Variants in PTPRB observed in about 807,000 individuals in gnomAD.
PTPRB encodes the protein receptor-type tyrosine-protein phosphatase beta.
In PTPRB, 97 loss-of-function variants were observed where a neutral mutation model predicts 238.1. That is an observed-to-expected ratio of 0.41 (90% confidence interval 0.35 to 0.48). PTPRB has a LOEUF of 0.48. Among genes scored for constraint, PTPRB ranks in the 20% least tolerant of loss-of-function variants. The probability of loss-of-function intolerance (pLI) is 0.30; values close to 1 mark genes in which losing one functional copy is unlikely to be tolerated. For missense variants in PTPRB, 2,292 were observed against 2,681.9 expected (o/e 0.85, Z 3.21); for synonymous variants, 970 against 995.4 (o/e 0.97, Z 0.48).
chr12:70,528,249 G>A (rs1052733072), intron 32 of PTPRB, among the ~76,000 whole-genome samples: 14 of 152,138 alleles, frequency 9.2e-5, no homozygotes, highest in Non-Finnish European at 1.9e-4. Flanking sequence ...TGGCTAGTAC[G>A]ATGACATGAA....
chr12:70,523,978 C>T (rs949549936), intron 33 of PTPRB, among the ~76,000 whole-genome samples: 2 of 151,426 alleles, frequency 1.3e-5, no homozygotes, highest in Non-Finnish European at 2.9e-5. Context: ...ATGCCTGGCT[C>T]TTTTGTACTT....
At chr12:70,543,304 C>T (rs1296477324) in intron 22 of PTPRB, among the ~76,000 whole-genome samples, 2 of 152,090 alleles carry the variant, frequency 1.3e-5, no homozygotes, top group Admixed American at 6.5e-5. Context: ...TTGTTTGTTC[C>T]ATGTTGCTTT....
Position 70,520,247 on chromosome 12 carries a change from T to C in PTPRB, c.*1242A>G, listed in dbSNP as rs1323396079. On this transcript the variant is annotated 3_prime_UTR_variant, in exon 34 of 34. Transcript: ENST00000334414. ...GATGAAGGAAATACTTTCTGACTCATTGGAATTTGTTATAGTCAAAGTAAG... is the reference window on the plus strand; with the variant it reads ...GATGAAGGAAATACTTTCTGACTCACTGGAATTTGTTATAGTCAAAGTAAG... 6.4e-6 allele frequency: 3 copies of C among 467,782 alleles called. No homozygotes were observed. Among genetic ancestry groups the C allele is most frequent in the East Asian group, 6.2e-5 (1 of 16,168 alleles). 29.0% of individuals were successfully genotyped at this position (467,782 alleles called of 1,614,324 possible).
intron 4 of PTPRB, among the ~76,000 whole-genome samples, chr12:70,608,527 C>T (rs915527147): frequency 1.3e-5 from 2 of 152,174 alleles, no homozygotes; most frequent in Non-Finnish European, 2.9e-5. Flanking sequence ...TGATACTATG[C>T]TGTTTGGGTT....
At chr12:70,553,599 C>T (rs1877226391) in intron 20 of PTPRB, among the ~76,000 whole-genome samples, 1 of 152,212 alleles carries the variant, frequency 6.6e-6, no homozygotes, top group Admixed American at 6.5e-5. Context: ...AACTCTTCCC[C>T]TGTCCACCCA....
chr12:70,570,322 T>A (rs888908957), intron 13 of PTPRB, among the ~76,000 whole-genome samples: 6 of 152,122 alleles, frequency 3.9e-5, no homozygotes, highest in Non-Finnish European at 8.8e-5. Context: ...CCCATAGAGT[T>A]GTGAAGATTG....
At chr12:70,531,494 G>A (rs1873238612) in intron 32 of PTPRB, among the ~76,000 whole-genome samples, 2 of 152,168 alleles carry the variant, frequency 1.3e-5, no homozygotes, top group Non-Finnish European at 2.9e-5. Context: ...GGTTTCTCTA[G>A]AATAGTGGCC....
chr12:70,592,909 CT>C (rs1882631073), intron 6 of PTPRB, among the ~76,000 whole-genome samples: 1 of 152,108 alleles, frequency 6.6e-6, no homozygotes, highest in African/African-American at 2.4e-5. Flanking sequence ...GCAAATGAGG[CT>C]AGGTCAAAGA....
At position 70,562,916 on chromosome 12, in the gene PTPRB, T is replaced by C. The variant is rs1775783779; in HGVS notation, c.4096A>G (p.Arg1366Gly). ...GTTACAATCACCATCTTGTACATTC[T>C]GCCTTGTAGCAAGTTCTGGAAAGAG... is the stretch of plus-strand genomic sequence containing the variant. Reference protein sequence around the residue: ...SFSFQNLLQGRMYKMVIVTHS... With the variant: ...SFSFQNLLQGGMYKMVIVTHS... The change falls in exon 16 of 34, where the codon AGA becomes GGA. Residue 1366 changes from arginine to glycine, a missense_variant. Physicochemically the swap from Arg to Gly is moderately radical, Grantham distance 125. Coordinates refer to ENST00000334414, the MANE Select transcript of PTPRB (RefSeq NM_001109754.4). The C allele has an allele frequency of 6.2e-7, 1 of 1,614,036 alleles. No homozygotes were observed.
chr12:70,605,494 T>C lies in PTPRB; in HGVS notation c.979+3575A>G, dbSNP rs150971297. On this transcript the variant is annotated intron_variant, in intron 4 of 33. Transcript: ENST00000334414. ...TGCCATTTAAGTACTGAAAACCTAC[T>C]TCTTATTGCCAGACAAATAAATGCT... 1.3e-4 allele frequency among the ~76,000 whole-genome samples: 20 copies of C among 152,316 alleles called. No homozygotes were observed. The East Asian group carries it at 3.9e-3, about 29-fold the overall frequency.
chr12:70,605,249 A>G (rs2136523921), intron 4 of PTPRB, among the ~76,000 whole-genome samples: 1 of 152,306 alleles, frequency 6.6e-6, no homozygotes, highest in South Asian at 2.1e-4. Flanking sequence ...TCTACCCATA[A>G]TCCAATGAGA....
chr12:70,607,898 G>A (rs148130598), intron 4 of PTPRB, among the ~76,000 whole-genome samples: 226 of 152,106 alleles, frequency 1.5e-3, no homozygotes, highest in Non-Finnish European at 2.4e-3. Context: ...TTCAACTTAA[G>A]ATGCTGCAAA....
chr12:70,535,959 A>T, intron 29 of PTPRB, 66 bp downstream of exon 29: 1 of 1,591,228 alleles, frequency 6.3e-7, no homozygotes. Flanking sequence ...CACTTTGATG[A>T]TGGGGCAGAA....
intron 32 of PTPRB, among the ~76,000 whole-genome samples, chr12:70,524,916 T>G (rs1872169705): frequency 6.7e-6 from 1 of 149,012 alleles, no homozygotes; most frequent in Admixed American, 6.6e-5. Context: ...TATATATGTA[T>G]GTATATATGT....
In PTPRB at chr12:70,534,567, A is replaced by C. The variant is rs1873796285; in HGVS notation, c.6289T>G (p.Ser2097Ala). 6.2e-7 allele frequency: 1 copy of C among 1,613,236 alleles called. No homozygotes were observed. The highest frequency in any genetic ancestry group is 2.2e-5 in the East Asian group (1 of 44,864). The change falls in exon 31 of 34, where the codon TCT (serine) becomes GCT (alanine). Residue 2097 changes from serine to alanine, a missense_variant. By Grantham distance (99) the Ser-to-Ala change is moderately conservative. This residue lies in a region of PTPRB where 397 missense variants were observed against 502.0 expected (regional missense o/e 0.79). Coordinates refer to ENST00000334414, the MANE Select transcript of PTPRB (RefSeq NM_001109754.4). Reference protein sequence around the residue: ...PDHGVPETTQSLIQFVRTVRD... With the variant: ...PDHGVPETTQALIQFVRTVRD... ...ACAGTTCTCACAAACTGGATCAGAGACTGGGTGGTTTCTGGGACTCCATGG... is the reference window on the plus strand; with the variant it reads ...ACAGTTCTCACAAACTGGATCAGAGCCTGGGTGGTTTCTGGGACTCCATGG...
rs1379800013 is a variant in PTPRB at position 70,539,819 on chromosome 12, T to C, written c.5696+8A>G. ...ATAATATAGTAATTAATGTGTTCTCTCTCTTACCAAGAAGTTTTCCGGTTA... is the reference window on the plus strand; with the variant it reads ...ATAATATAGTAATTAATGTGTTCTCCCTCTTACCAAGAAGTTTTCCGGTTA... On this transcript the variant is annotated splice_region_variant and intron_variant, in intron 25 of 33. Coordinates refer to ENST00000334414, the MANE Select transcript of PTPRB (RefSeq NM_001109754.4). 32 of 1,597,346 alleles carry C rather than the reference T, an allele frequency of 2.0e-5. No individual in the cohort carries two copies. The highest frequency in any genetic ancestry group is 1.1e-4 in the East Asian group (5 of 44,810).
intron 22 of PTPRB, chr12:70,542,379 A>C (rs1875270278): frequency 2.0e-5 from 3 of 152,226 alleles, no homozygotes; most frequent in Middle Eastern, 6.8e-3. Context: ...GGAGTTCGAG[A>C]CCAGCCTGGC....
intron 22 of PTPRB, chr12:70,542,120 CTT>C (rs1875229811): frequency 6.6e-6 from 1 of 152,162 alleles, no homozygotes; most frequent in Non-Finnish European, 1.5e-5. Context: ...TTGTTACTGT[CTT>C]TTTGATTATA....
At chr12:70,539,587 A>T in intron 26 of PTPRB, 38 bp downstream of exon 26, 1 of 1,430,546 alleles carries the variant, frequency 7.0e-7, no homozygotes, top group South Asian at 1.2e-5. Flanking sequence ...TCTGCTAAGA[A>T]CTAGGGATGC....
Sources: allele counts gnomAD v4.1 joint callset (sites outside exome capture counted in the v4.1 genomes callset), GRCh38; gene constraint gnomAD v4.1.1; regional missense constraint gnomAD v4.1.1; transcripts MANE v1.5; gene names NCBI Gene and HGNC (gene_info 2026-07-23, HGNC 2026-07-21).